PCLO: variants seen among roughly 807,000 people sequenced by gnomAD.
PCLO encodes piccolo presynaptic cytomatrix protein.
In PCLO, 82 loss-of-function variants were observed where a neutral mutation model predicts 427.5. The ratio of observed to expected loss-of-function variants is 0.19; its 90% CI spans 0.16 to 0.23. PCLO has a LOEUF of 0.23. Among genes scored for constraint, PCLO ranks in the 10% least tolerant of loss-of-function variants. The probability of loss-of-function intolerance (pLI) is 1.00; values close to 1 mark genes in which losing one functional copy is unlikely to be tolerated. For synonymous variants in PCLO, 2,357 were observed against 2,155.4 expected (o/e 1.09, Z -2.59); for missense variants, 6,239 against 6,115.9 (o/e 1.02, Z -0.67).
At chr7:82,975,488 G>A (rs576678747) in intron 3 of PCLO, among the ~76,000 whole-genome samples, 1 of 152,310 alleles carries the variant, frequency 6.6e-6, no homozygotes, top group South Asian at 2.1e-4. Context: ...AATGCAGAAT[G>A]GATACTGGTG....
At chr7:83,056,978 T>TTCCATCAA (rs1302438678) in intron 3 of PCLO, among the ~76,000 whole-genome samples, 2 of 152,122 alleles carry the variant, frequency 1.3e-5, no homozygotes, top group East Asian at 3.8e-4. Flanking sequence ...AAACTGTATA[T>TTCCATCAA]TCCATCAATT....
chr7:82,759,634 TATC>T (rs1032811042), intron 24 of PCLO, among the ~76,000 whole-genome samples: 1 of 152,020 alleles, frequency 6.6e-6, no homozygotes, highest in African/African-American at 2.4e-5. Context: ...TCCAGTCTAA[TATC>T]AGTTAATCTT....
rs147900976 is a variant in PCLO at position 82,920,476 on chromosome 7, A to G, written c.11113-3603T>C. Among the ~76,000 whole-genome samples, 351 of 151,808 alleles carry G rather than the reference A, an allele frequency of 2.3e-3. 2 individuals are homozygous for G. The highest frequency in any genetic ancestry group is 8.1e-3 in the African/African-American group (338 of 41,540). On this transcript the variant is annotated intron_variant, in intron 6 of 24. Transcript: ENST00000333891. ...AAAGTATTTTAAAATACCTGTGAAA[A>G]TAGACAAAGAGAAGGGAATAAAAAG... is the stretch of plus-strand genomic sequence containing the variant.
chr7:83,112,477 A>T (rs957840515), intron 3 of PCLO, among the ~76,000 whole-genome samples: 9 of 152,206 alleles, frequency 5.9e-5, no homozygotes, highest in Non-Finnish European at 1.2e-4. Flanking sequence ...TTAGATATAC[A>T]AAAGAATGAA....
At chr7:82,901,899 T>G (rs1370186165) in intron 9 of PCLO, among the ~76,000 whole-genome samples, 3 of 151,494 alleles carry the variant, frequency 2.0e-5, no homozygotes, top group African/African-American at 7.3e-5. Context: ...CCAGTTAGAA[T>G]GGCAATCATT....
intron 3 of PCLO, among the ~76,000 whole-genome samples, chr7:83,073,281 G>C (rs1789864837): frequency 6.6e-6 from 1 of 151,874 alleles, no homozygotes; most frequent in Non-Finnish European, 1.5e-5. Flanking sequence ...TTAAAATTAT[G>C]GTTAAACTAA....
chr7:82,904,983 C>T (rs978871931), intron 8 of PCLO, among the ~76,000 whole-genome samples: 5 of 151,978 alleles, frequency 3.3e-5, no homozygotes, highest in Admixed American at 6.6e-5. Context: ...ATTAGATGTA[C>T]GAGCTAGATG....
At chr7:83,093,804 TAAAAAAA>T (rs55783549) in intron 3 of PCLO, among the ~76,000 whole-genome samples, 1 of 126,772 alleles carries the variant, frequency 7.9e-6, no homozygotes, top group East Asian at 2.3e-4. Context: ...CCACAAATAT[TAAAAAAA>T]AAAAAAAAAA....
intron 3 of PCLO, among the ~76,000 whole-genome samples, chr7:82,988,315 T>C (rs1796300432): frequency 6.6e-6 from 1 of 152,058 alleles, no homozygotes; most frequent in Admixed American, 6.6e-5. Context: ...TGAGACCCCA[T>C]GGCTGGACCC....
At chr7:83,119,620 G>A (rs929651033) in intron 3 of PCLO, among the ~76,000 whole-genome samples, 2 of 151,980 alleles carry the variant, frequency 1.3e-5, no homozygotes, top group African/African-American at 4.8e-5. Context: ...ATTCCTCGAT[G>A]CCCAGACATC....
Position 82,801,551 on chromosome 7 carries a change from G to A in PCLO, c.14974C>T (p.Pro4992Ser), listed in dbSNP as rs1791353060. The A allele has an allele frequency of 1.3e-6, 2 of 1,598,122 alleles. No homozygotes were observed. The highest frequency in any genetic ancestry group is 2.2e-5 in the East Asian group (1 of 44,654). Reference protein sequence around the residue: ...GQNGQEPVKQPGVGVGLADTE... With the variant: ...GQNGQEPVKQSGVGVGLADTE... ...TCTGCTAGTCCTACTCCTACCCCTG[G>A]CTGTTTTACAGGCTCTTGTCCATTC... The change falls in exon 22 of 25, where the codon CCA becomes TCA. Residue 4992 changes from proline (P) to serine (S), a missense_variant. By Grantham distance (74) the Pro-to-Ser change is moderately conservative (BLOSUM62 -1). Coordinates refer to ENST00000333891, the MANE Select transcript of PCLO (RefSeq NM_033026.6).
intron 4 of PCLO, among the ~76,000 whole-genome samples, chr7:82,959,822 A>G (rs181754205): frequency 1.3e-5 from 2 of 152,100 alleles, no homozygotes; most frequent in East Asian, 3.9e-4. Context: ...TTTGCATATT[A>G]TAAGGTGGCA....
chr7:82,893,542 T>C (rs965090367), intron 9 of PCLO, among the ~76,000 whole-genome samples: 5 of 151,922 alleles, frequency 3.3e-5, no homozygotes, highest in African/African-American at 1.2e-4. Flanking sequence ...CTTCACGTTG[T>C]GCACATGTAC....
chr7:83,144,702 TCTGA>T (rs1486834215), intron 2 of PCLO, among the ~76,000 whole-genome samples: 6 of 152,308 alleles, frequency 3.9e-5, no homozygotes, highest in East Asian at 1.9e-4. Context: ...TTTATTTCCT[TCTGA>T]CTATTTCTTT....
chr7:83,032,768 C>T (rs1331441927), intron 3 of PCLO, among the ~76,000 whole-genome samples: 1 of 152,088 alleles, frequency 6.6e-6, no homozygotes, highest in Non-Finnish European at 1.5e-5. Flanking sequence ...TTATACCCCA[C>T]ATCCAAAAAT....
chr7:82,824,360 A>G lies in PCLO; in HGVS notation c.14472T>C (p.Pro4824=), dbSNP rs1326887674. 1.2e-6 allele frequency: 2 copies of G among 1,613,060 alleles called. No homozygotes were observed. The highest frequency in any genetic ancestry group is 2.2e-5 in the South Asian group (2 of 91,024). The part of the protein sequence containing the change: ...SHLDNTPRWY[P]LKEQTESIDH... ...CAATGCTTTCAGTCTGTTCTTTGAG[A>G]GGATACCACCTTGGAGTGTTATCGA... The change falls in exon 19 of 25, where the codon CCT becomes CCC. Residue 4824 remains proline, a synonymous_variant. Transcript: ENST00000333891.
intron 3 of PCLO, among the ~76,000 whole-genome samples, chr7:83,021,556 A>T (rs981787979): frequency 6.6e-6 from 1 of 152,164 alleles, no homozygotes; most frequent in Non-Finnish European, 1.5e-5. Flanking sequence ...ACACAATGTA[A>T]ATCAATAGAC....
intron 9 of PCLO, among the ~76,000 whole-genome samples, chr7:82,901,490 A>T (rs1160916294): frequency 1.3e-5 from 2 of 152,094 alleles, no homozygotes; most frequent in Non-Finnish European, 2.9e-5. Flanking sequence ...AAACCTAGGC[A>T]TTACTATTCA....
At chr7:82,901,959 C>A (rs997587613) in intron 9 of PCLO, among the ~76,000 whole-genome samples, 5 of 151,338 alleles carry the variant, frequency 3.3e-5, no homozygotes, top group Non-Finnish European at 5.9e-5. Flanking sequence ...GAAACAGGAA[C>A]ACTTTTACAC....
Sources: allele counts gnomAD v4.1 joint callset (sites outside exome capture counted in the v4.1 genomes callset), GRCh38; gene constraint gnomAD v4.1.1; transcripts MANE v1.5; gene names NCBI Gene and HGNC (gene_info 2026-07-23, HGNC 2026-07-21).